TTC7A: variants seen among roughly 807,000 people sequenced by gnomAD.
TTC7A encodes the protein tetratricopeptide repeat domain 7A, also known as tetratricopeptide repeat protein 7A.
TTC7A carries 110 observed loss-of-function variants against 103.7 expected under a neutral mutation model. The ratio of observed to expected loss-of-function variants is 1.06; its 90% CI spans 0.91 to 1.24. TTC7A has a LOEUF of 1.24. Ranked by LOEUF, TTC7A falls within the 50% of genes most tolerant of loss-of-function variation. The probability of loss-of-function intolerance (pLI) is 0.00; values close to 1 mark genes in which losing one functional copy is unlikely to be tolerated. For missense variants in TTC7A, 1,340 were observed against 1,116.3 expected (o/e 1.20, Z -2.86); for synonymous variants, 521 against 467.9 (o/e 1.11, Z -1.47).
chr2:46,925,549 CAATA>C (rs371347836), intron 2 of TTC7A, among the ~76,000 whole-genome samples: 37 of 152,038 alleles, frequency 2.4e-4, no homozygotes, highest in African/African-American at 8.4e-4. Context: ...CAAAGTGTCT[CAATA>C]AATAAATAAA....
chr2:47,038,306 C>G (rs1433324876), intron 15 of TTC7A, among the ~76,000 whole-genome samples: 1 of 151,872 alleles, frequency 6.6e-6, no homozygotes, highest in Non-Finnish European at 1.5e-5. Context: ...TGTGACTTGC[C>G]CAAGGTCACA....
chr2:47,056,562 G>T (rs955978566), intron 18 of TTC7A, among the ~76,000 whole-genome samples: 1 of 152,244 alleles, frequency 6.6e-6, no homozygotes, highest in African/African-American at 2.4e-5. Context: ...CCTGCCCGGG[G>T]TGGGAGAGCC....
chr2:46,997,594 C>T (rs886390003), intron 8 of TTC7A, among the ~76,000 whole-genome samples: 3 of 151,848 alleles, frequency 2.0e-5, no homozygotes, highest in African/African-American at 7.3e-5. Flanking sequence ...AGCCATGACT[C>T]GAACATGTCC....
intron 5 of TTC7A, among the ~76,000 whole-genome samples, chr2:46,990,148 C>T (rs1675480133): frequency 6.6e-6 from 1 of 152,244 alleles, no homozygotes; most frequent in Non-Finnish European, 1.5e-5. Context: ...TTGTCCTAGA[C>T]TGATGTCCCA....
intron 1 of TTC7A, among the ~76,000 whole-genome samples, chr2:46,916,910 G>A (rs1378235242): frequency 1.1e-4 from 16 of 152,166 alleles, no homozygotes; most frequent in Non-Finnish European, 1.0e-4. Flanking sequence ...TGGGATTACA[G>A]GCGTGAGCCA....
chr2:47,049,643 T>A (rs1047571409), intron 16 of TTC7A, among the ~76,000 whole-genome samples: 3 of 152,078 alleles, frequency 2.0e-5, no homozygotes, highest in Admixed American at 6.5e-5. Context: ...CTCTGCTGGA[T>A]GTTGCTCCCC....
chr2:47,046,297 C>T lies in TTC7A; in HGVS notation c.1803-18C>T. 1.2e-6 allele frequency: 2 copies of T among 1,604,120 alleles called. No individual in the cohort carries two copies. Among genetic ancestry groups the T allele is most frequent in the Middle Eastern group, 1.9e-4 (1 of 5,376 alleles). ...GCCCTTGCTGGGGTGTGCTGATGGC[C>T]ACTCTCCGTCCCCACAGCCTGATGT... On this transcript the variant is annotated intron_variant, in intron 15 of 19. Transcript: ENST00000319190.
intron 2 of TTC7A, among the ~76,000 whole-genome samples, chr2:46,927,355 A>ATTTTT (rs60808815): frequency 2.3e-5 from 3 of 132,876 alleles, no homozygotes; most frequent in Non-Finnish European, 3.2e-5. Flanking sequence ...AGAAAAAAAG[A>ATTTTT]TTTTTTTTTT....
intron 11 of TTC7A, among the ~76,000 whole-genome samples, chr2:47,016,346 G>T (rs1225938242): frequency 6.6e-6 from 1 of 152,246 alleles, no homozygotes; most frequent in African/African-American, 2.4e-5. Context: ...GTTGGAAACA[G>T]TTCTGCTACT....
intron 2 of TTC7A, among the ~76,000 whole-genome samples, chr2:46,955,356 C>T (rs1365892533): frequency 2.0e-5 from 3 of 152,164 alleles, no homozygotes; most frequent in African/African-American, 7.2e-5. Flanking sequence ...AGTGGATGGC[C>T]TATCTGGGAA....
Position 46,941,286 on chromosome 2 carries a change from G to A in TTC7A, c.-256G>A, listed in dbSNP as rs970395807. On this transcript the variant is annotated 5_prime_UTR_variant, in exon 1 of 20. Transcript: ENST00000319190. This position sits in a 1 kb window ranked among gnomAD's most constrained non-coding sequence, Gnocchi z 4.2. ...CAGGAGCTGCTACAGCAGAGGCGGA[G>A]GTTGCTCCTGTACGCGTACGGGCCG... 2.4e-5 allele frequency: 4 copies of A among 169,932 alleles called. No individual in the cohort carries two copies. Among genetic ancestry groups the A allele is most frequent in the South Asian group, 1.7e-4 (1 of 5,882 alleles). 10.5% of individuals were successfully genotyped at this position (169,932 alleles called of 1,614,324 possible). A position where few individuals can be genotyped will look rare whatever the true frequency, so the allele number is the denominator to read the frequency against.
At chr2:47,054,321 C>A (rs1683140391) in intron 18 of TTC7A, 2 of 277,660 alleles carry the variant, frequency 7.2e-6, no homozygotes, top group Non-Finnish European at 1.1e-5. Context: ...TAGGGTATCA[C>A]TGTCGTCCAT....
At chr2:47,006,606 C>T (rs1677424116) in intron 9 of TTC7A, 35 bp from the exon 10 acceptor site, 1 of 1,581,984 alleles carries the variant, frequency 6.3e-7, no homozygotes, top group African/African-American at 1.3e-5. Context: ...GGGAGGACCC[C>T]TGGTGGGTAA....
intron 19 of TTC7A, among the ~76,000 whole-genome samples, chr2:47,065,042 G>C (rs2570513): frequency 0.81 from 122,841 of 152,236 alleles, 49,778 homozygotes; most frequent in East Asian, 0.93. Context: ...AATCCCAGCA[G>C]TTTGGGAGGC....
intron 15 of TTC7A, 130 bp downstream of exon 15, chr2:47,029,514 C>T (rs1680292074): frequency 9.5e-7 from 1 of 1,056,466 alleles, no homozygotes; most frequent in Non-Finnish European, 1.4e-6. Context: ...TGCACAATCC[C>T]TGGTGGAGAG....
intron 13 of TTC7A, 142 bp from the exon 14 acceptor site, chr2:47,024,145 C>A: frequency 1.5e-6 from 1 of 663,164 alleles, no homozygotes; most frequent in East Asian, 3.4e-5. Context: ...CAGCTGGATG[C>A]CCCTCTGAGG....
intron 18 of TTC7A, among the ~76,000 whole-genome samples, chr2:47,053,738 A>AT (rs778403231): frequency 7.5e-4 from 114 of 151,670 alleles, no homozygotes; most frequent in Non-Finnish European, 1.3e-3. Flanking sequence ...TGCCCGGCTA[A>AT]TTTTTTTTGT....
chr2:46,956,513 G>T, intron 2 of TTC7A: 1 of 295,758 alleles, frequency 3.4e-6, no homozygotes. Context: ...GTGCCCCCTG[G>T]GGCTGCAGTC....
rs372046395 is a variant in TTC7A at position 46,978,793 on chromosome 2, C to T, written c.650C>T (p.Thr217Ile). The change falls in exon 5 of 20, where the codon ACC becomes ATC. Residue 217 changes from threonine (T) to isoleucine (I), a missense_variant and splice_region_variant. Physicochemically the swap from Thr to Ile is moderately conservative, Grantham distance 89. Coordinates refer to ENST00000319190, the MANE Select transcript of TTC7A (RefSeq NM_020458.4). ...CTCTCTCTCTGTTTCCCTTCCCAGA[C>T]CACAAATAACAGCACGTCGAGGCAT... ...AQVFLQELEK[T>I]TNNSTSRHLK... The T allele has an allele frequency of 1.2e-6, 2 of 1,613,424 alleles. No homozygotes were observed. Among genetic ancestry groups the T allele is most frequent in the South Asian group, 1.1e-5 (1 of 91,062 alleles).
Sources: gnomAD v4.1 joint callset for allele counts (sites outside exome capture counted in the v4.1 genomes callset) on GRCh38, gnomAD v4.1.1 for gene constraint, Gnocchi (gnomAD v3.1) non-coding constraint, MANE v1.5 for transcripts, NCBI Gene and HGNC (gene_info 2026-07-23, HGNC 2026-07-21) for gene names.